Variants in KIF15 observed in about 807,000 individuals in gnomAD.
The protein encoded by KIF15 is kinesin family member 15.
A neutral mutation model predicts 190.6 loss-of-function variants in KIF15; 140 were observed. That is an observed-to-expected ratio of 0.73 (90% CI 0.64 to 0.84). The LOEUF is 0.84. Ranked by LOEUF, KIF15 falls within the 40% of genes least tolerant of loss-of-function variation. The probability of loss-of-function intolerance (pLI) is 0.00; values close to 1 mark genes in which losing one functional copy is unlikely to be tolerated. For missense variants in KIF15, 1,372 were observed against 1,584.4 expected, an observed-to-expected ratio of 0.87 and a Z score of 2.28; for synonymous variants, 528 against 551.3, an observed-to-expected ratio of 0.96 and a Z score of 0.59.
At chr3:44,797,280 CG>C (rs1244471928) in intron 8 of KIF15, among the ~76,000 whole-genome samples, 1 of 152,136 alleles carries the variant, frequency 6.6e-6, no homozygotes, top group East Asian at 1.9e-4. Context: ...CTGCCCACCT[CG>C]GCCTCCCAAA....
chr3:44,775,247 T>G lies in KIF15; in HGVS notation c.63-7T>G, dbSNP rs759660140. On this transcript the variant is annotated splice_polypyrimidine_tract_variant and splice_region_variant and intron_variant, in intron 2 of 34. Transcript: ENST00000326047. ...CTGAACTGTTACTTTCTTTTTTTTGTCTTTAGTAATGAAGGTGATGCCATC... is the reference window on the plus strand; with the variant it reads ...CTGAACTGTTACTTTCTTTTTTTTGGCTTTAGTAATGAAGGTGATGCCATC... 8.7e-6 allele frequency: 14 copies of G among 1,606,630 alleles called. No individual in the cohort carries two copies. The highest frequency in any genetic ancestry group is 1.2e-5 in the Non-Finnish European group (14 of 1,175,708).
chr3:44,792,411 T>A (rs1252848826), intron 7 of KIF15, among the ~76,000 whole-genome samples: 1 of 151,946 alleles, frequency 6.6e-6, no homozygotes, highest in Non-Finnish European at 1.5e-5. Flanking sequence ...GAGGCAGAGA[T>A]TTCAGTGAGA....
rs757687365 is a variant in KIF15 at position 44,780,067 on chromosome 3, C to CT, written c.324-796dup. 4.2e-3 allele frequency among the ~76,000 whole-genome samples: 517 copies of CT among 123,082 alleles called. 3 individuals carry two copies. The highest frequency in any genetic ancestry group is 6.1e-3 in the Admixed American group (70 of 11,538). The allele number at this position is 123,082 out of a possible 152,430, so 80.7% of individuals were successfully genotyped here. A position where few individuals can be genotyped will look rare whatever the true frequency, so the allele number is the denominator to read the frequency against. On this transcript the variant is annotated intron_variant, in intron 4 of 34. Coordinates refer to ENST00000326047, the MANE Select transcript of KIF15 (RefSeq NM_020242.3). ...CTTGATTAACATCTTTAAAATACAA[C>CT]TTTTTTTTTTTTTTTTTTTTTTAAA...
chr3:44,788,089 G>T (rs530946771), intron 7 of KIF15, among the ~76,000 whole-genome samples: 1 of 152,308 alleles, frequency 6.6e-6, no homozygotes, highest in Admixed American at 6.5e-5. Context: ...CTGAGCTCAG[G>T]CAATCCACCT....
At position 44,864,736 on chromosome 3, in the gene KIF15, G is replaced by A. The variant is rs558087710; in HGVS notation, c.*60-8593G>A. Among the ~76,000 whole-genome samples, 28 of 152,228 alleles carry A rather than the reference G, an allele frequency of 1.8e-4. 1 individual carries two copies. Among genetic ancestry groups the A allele is most frequent in the African/African-American group, 9.6e-5 (4 of 41,532 alleles). Reference sequence around the variant, plus strand: ...TGAGGTTGACAAGATGGAGCTGAGCGTAGTCAATCTTGAGTTGAGGGAGAA... The same window carrying A: ...TGAGGTTGACAAGATGGAGCTGAGCATAGTCAATCTTGAGTTGAGGGAGAA... On this transcript the variant is annotated intron_variant and NMD_transcript_variant, in intron 6 of 6. Transcript: ENST00000422209.
chr3:44,866,744 C>T (rs1032745964), intron 6 of KIF15, among the ~76,000 whole-genome samples: 2 of 152,200 alleles, frequency 1.3e-5, no homozygotes, highest in Non-Finnish European at 2.9e-5. Flanking sequence ...GGATCTGGCC[C>T]TAGCCCACCA....
At chr3:44,763,601 C>T (rs1478139509) in intron 1 of KIF15, among the ~76,000 whole-genome samples, 1 of 151,716 alleles carries the variant, frequency 6.6e-6, no homozygotes, top group Non-Finnish European at 1.5e-5. Flanking sequence ...CACCCGGCCC[C>T]ATGAAGGCTA....
intron 16 of KIF15, among the ~76,000 whole-genome samples, chr3:44,808,933 A>T (rs1014969913): frequency 3.9e-5 from 6 of 152,192 alleles, no homozygotes; most frequent in African/African-American, 1.4e-4. Context: ...ACCTCATTTT[A>T]ACCCTAGGTT....
At chr3:44,822,586 T>C (rs1037574145) in intron 20 of KIF15, among the ~76,000 whole-genome samples, 1 of 152,216 alleles carries the variant, frequency 6.6e-6, no homozygotes, top group Non-Finnish European at 1.5e-5. Flanking sequence ...CTGGATAATA[T>C]CCTGAAGAGT....
intron 20 of KIF15, among the ~76,000 whole-genome samples, chr3:44,821,827 G>A (rs1265088082): frequency 6.6e-6 from 1 of 152,226 alleles, no homozygotes; most frequent in Non-Finnish European, 1.5e-5. Context: ...ACTCCAGCCT[G>A]GGCAACATTG....
chr3:44,858,698 AG>A (rs1261342119), intron 6 of KIF15, among the ~76,000 whole-genome samples: 1 of 152,242 alleles, frequency 6.6e-6, no homozygotes, highest in Non-Finnish European at 1.5e-5. Flanking sequence ...AGTGCATTAA[AG>A]AACGTTGTCC....
chr3:44,840,690 A>G (rs1247531937), intron 28 of KIF15, among the ~76,000 whole-genome samples: 3 of 95,672 alleles, frequency 3.1e-5, no homozygotes, highest in African/African-American at 8.0e-5. Context: ...TTTTTGGCAG[A>G]TGGAGTCTTG....
At chr3:44,820,970 G>A (rs1354889538) in intron 20 of KIF15, among the ~76,000 whole-genome samples, 12 of 150,864 alleles carry the variant, frequency 8.0e-5, no homozygotes, top group South Asian at 4.2e-4. Context: ...GTGGCTGGCC[G>A]GGCAGGGGGC....
chr3:44,783,849 A>G (rs946220129), intron 5 of KIF15, among the ~76,000 whole-genome samples: 2 of 152,192 alleles, frequency 1.3e-5, no homozygotes, highest in African/African-American at 4.8e-5. Flanking sequence ...TACTTCACCA[A>G]TATTTTGATT....
chr3:44,780,754 C>T (rs1706123677), intron 4 of KIF15, 131 bp from the exon 5 acceptor site: 1 of 564,560 alleles, frequency 1.8e-6, no homozygotes, highest in Non-Finnish European at 3.0e-6. Flanking sequence ...CACTTTTTAT[C>T]TAATAGAATT....
downstream of KIF15, among the ~76,000 whole-genome samples, chr3:44,855,916 CTT>C (rs923301112): frequency 6.6e-6 from 1 of 151,034 alleles, no homozygotes; most frequent in Non-Finnish European, 1.5e-5. Context: ...TTTGAGAGTT[CTT>C]TTTTTTTAAG....
intron 5 of KIF15, among the ~76,000 whole-genome samples, chr3:44,782,235 G>A (rs1025403554): frequency 2.6e-5 from 4 of 152,016 alleles, no homozygotes; most frequent in African/African-American, 9.7e-5. Flanking sequence ...ATATTTAGTA[G>A]AGACGGGGTG....
At chr3:44,800,497 C>G in intron 11 of KIF15, 60 bp downstream of exon 11, 1 of 1,566,804 alleles carries the variant, frequency 6.4e-7, no homozygotes, top group African/African-American at 1.4e-5. Context: ...AGTTTAAGAG[C>G]CCTTGGTGAT....
intron 11 of KIF15, 89 bp downstream of exon 11, chr3:44,800,526 C>A: frequency 6.9e-7 from 1 of 1,442,678 alleles, no homozygotes; most frequent in Non-Finnish European, 9.4e-7. Flanking sequence ...CACAATAAGG[C>A]AACCCAAATT....
Sources: allele counts gnomAD v4.1 joint callset (sites outside exome capture counted in the v4.1 genomes callset), GRCh38; gene constraint gnomAD v4.1.1; transcripts MANE v1.5; gene names NCBI Gene and HGNC (gene_info 2026-07-23, HGNC 2026-07-21).